FHIT: variants seen among roughly 807,000 people sequenced by gnomAD.
The protein encoded by FHIT is fragile histidine triad diadenosine triphosphatase.
FHIT carries 19 observed loss-of-function variants against 17.9 expected under a neutral mutation model. The observed-to-expected ratio is 1.06, with a 90% CI of 0.74 to 1.56. The LOEUF (loss-of-function observed/expected upper bound fraction) is 1.56. Among genes scored for constraint, FHIT ranks in the 40% most tolerant of loss-of-function variants. FHIT has a pLI of 0.00. For synonymous variants in FHIT, 81 were observed against 69.7 expected (o/e 1.16, Z -0.81); for missense variants, 248 against 189.2 (o/e 1.31, Z -1.82).
intron 5 of FHIT, among the ~76,000 whole-genome samples, chr3:60,383,125 C>T (rs1021473460): frequency 5.3e-5 from 8 of 152,054 alleles, no homozygotes; most frequent in Admixed American, 5.2e-4. Flanking sequence ...GAAAACAGAG[C>T]GACAGAAATG....
intron 4 of FHIT, among the ~76,000 whole-genome samples, chr3:60,660,729 C>CTTGTTTTTTTTTTTTTTTTTTT (rs2040222493): frequency 2.7e-5 from 1 of 37,278 alleles, no homozygotes; most frequent in African/African-American, 8.2e-5. Flanking sequence ...TTATTGTGCT[C>CTTGTTTTTTTTTTTTTTTTTTT]TTTTTTTTTT....
At chr3:60,374,148 A>T (rs1700447656) in intron 5 of FHIT, among the ~76,000 whole-genome samples, 1 of 152,242 alleles carries the variant, frequency 6.6e-6, no homozygotes, top group African/African-American at 2.4e-5. Flanking sequence ...AAACAGAAGA[A>T]TTAAGCCAAG....
intron 5 of FHIT, among the ~76,000 whole-genome samples, chr3:60,483,481 C>T (rs60028465): frequency 0.051 from 7,755 of 152,214 alleles, 624 homozygotes; most frequent in African/African-American, 0.17. Flanking sequence ...TTATCCACCA[C>T]GATCAAGTCA....
intron 5 of FHIT, among the ~76,000 whole-genome samples, chr3:60,384,318 CTAA>C (rs1315393451): frequency 6.6e-6 from 1 of 151,304 alleles, no homozygotes; most frequent in African/African-American, 2.4e-5. Context: ...TATTACTAAT[CTAA>C]TAATAACTTC....
At chr3:60,286,433 A>G (rs760749202) in intron 5 of FHIT, among the ~76,000 whole-genome samples, 2 of 152,194 alleles carry the variant, frequency 1.3e-5, no homozygotes, top group Non-Finnish European at 2.9e-5. Flanking sequence ...CCTTGGAAGT[A>G]TGCAAATTTT....
intron 2 of FHIT, among the ~76,000 whole-genome samples, chr3:61,104,069 T>C (rs1576020441): frequency 1.3e-5 from 2 of 152,262 alleles, no homozygotes; most frequent in African/African-American, 4.8e-5. Flanking sequence ...CATTTACATT[T>C]AAGGTTAGTA....
intron 2 of FHIT, among the ~76,000 whole-genome samples, chr3:61,178,456 A>AT (rs1336477441): frequency 6.6e-6 from 1 of 150,482 alleles, no homozygotes; most frequent in Non-Finnish European, 1.5e-5. Flanking sequence ...CAAGAAAACC[A>AT]TTACGTATGT....
intron 5 of FHIT, among the ~76,000 whole-genome samples, chr3:60,420,542 C>A (rs1440156374): frequency 6.6e-6 from 1 of 152,098 alleles, no homozygotes; most frequent in Non-Finnish European, 1.5e-5. Context: ...CACATTCTAA[C>A]AGCATTGGAT....
intron 2 of FHIT, among the ~76,000 whole-genome samples, chr3:61,055,539 A>G (rs2034187339): frequency 6.6e-6 from 1 of 152,204 alleles, no homozygotes; most frequent in Admixed American, 6.5e-5. Flanking sequence ...GCCCCTCTGC[A>G]AGATACTGTG....
intron 5 of FHIT, among the ~76,000 whole-genome samples, chr3:60,271,535 T>A (rs1559777500): frequency 6.6e-6 from 1 of 152,232 alleles, no homozygotes; most frequent in Non-Finnish European, 1.5e-5. Flanking sequence ...AGTTAGGAAC[T>A]AATTGAACTG....
intron 3 of FHIT, among the ~76,000 whole-genome samples, chr3:60,903,312 G>T (rs1706219342): frequency 6.6e-6 from 1 of 152,232 alleles, no homozygotes; most frequent in Middle Eastern, 3.4e-3. Flanking sequence ...CTTGTGTTAG[G>T]CATTGTGTCA....
At chr3:60,159,513 G>A (rs1225417020) in intron 5 of FHIT, among the ~76,000 whole-genome samples, 3 of 152,066 alleles carry the variant, frequency 2.0e-5, no homozygotes, top group African/African-American at 7.2e-5. Flanking sequence ...AAATTATAAG[G>A]GGGTAGAAAG....
chr3:59,793,155 T>C (rs1699639268), intron 8 of FHIT, among the ~76,000 whole-genome samples: 1 of 152,132 alleles, frequency 6.6e-6, no homozygotes, highest in Middle Eastern at 3.2e-3. Context: ...GCCTTCCCCC[T>C]GACCCCTTAA....
At chr3:61,227,221 A>C (rs1403943739) in intron 1 of FHIT, among the ~76,000 whole-genome samples, 2 of 152,206 alleles carry the variant, frequency 1.3e-5, no homozygotes, top group African/African-American at 4.8e-5. Flanking sequence ...GATATAATGG[A>C]GTAAATGACG....
chr3:60,761,025 C>T (rs1553719692), intron 4 of FHIT, among the ~76,000 whole-genome samples: 1 of 152,080 alleles, frequency 6.6e-6, no homozygotes, highest in African/African-American at 2.4e-5. Context: ...TAATAGCTTT[C>T]TTATAAATTA....
chr3:61,230,662 C>T (rs1184025352), intron 1 of FHIT, among the ~76,000 whole-genome samples: 5 of 152,038 alleles, frequency 3.3e-5, no homozygotes, highest in Non-Finnish European at 5.9e-5. Flanking sequence ...CAAACCAGGA[C>T]CAAACCATAA....
chr3:60,566,410 G>C (rs984436540), intron 4 of FHIT, among the ~76,000 whole-genome samples: 30 of 152,156 alleles, frequency 2.0e-4, no homozygotes, highest in African/African-American at 5.8e-4. Flanking sequence ...ATTCAACAAC[G>C]CTTCATGCTA....
chr3:59,986,603 A>G (rs1283189773), intron 7 of FHIT, among the ~76,000 whole-genome samples: 3 of 78,938 alleles, frequency 3.8e-5, no homozygotes, highest in Non-Finnish European at 6.6e-5. Flanking sequence ...ACACATATAT[A>G]TGTGTACATA....
chr3:60,358,909 T>C (rs1699784095), intron 5 of FHIT, among the ~76,000 whole-genome samples: 1 of 152,204 alleles, frequency 6.6e-6, no homozygotes, highest in Admixed American at 6.5e-5. Context: ...TTATATTAAA[T>C]AATGTGTGTT....
Sources: allele counts gnomAD v4.1 joint callset (sites outside exome capture counted in the v4.1 genomes callset), GRCh38; gene constraint gnomAD v4.1.1; transcripts MANE v1.5; gene names NCBI Gene and HGNC (gene_info 2026-07-23, HGNC 2026-07-21).